LPP: variants seen among roughly 807,000 people sequenced by gnomAD.
The protein encoded by LPP is LIM domain containing preferred translocation partner in lipoma.
LPP carries 38 observed loss-of-function variants against 60.4 expected under a neutral mutation model. The observed-to-expected ratio is 0.63, with a 90% CI of 0.49 to 0.83. The LOEUF (loss-of-function observed/expected upper bound fraction) is 0.83, where lower values mean the gene tolerates loss of function less well. Ranked by LOEUF, LPP falls within the 40% of genes least tolerant of loss-of-function variation. The probability of loss-of-function intolerance (pLI) is 0.00; values close to 1 mark genes in which losing one functional copy is unlikely to be tolerated. For missense variants in LPP, 902 were observed against 783.6 expected (o/e 1.15, Z -1.80); for synonymous variants, 328 against 290.8 (o/e 1.13, Z -1.30).
At chr3:188,569,675 TTGTA>T (rs1212678133) in intron 6 of LPP, among the ~76,000 whole-genome samples, 8 of 151,910 alleles carry the variant, frequency 5.3e-5, no homozygotes, top group Non-Finnish European at 1.0e-4. Context: ...GCCCAGAAGG[TTGTA>T]TGTAACTCAT....
At chr3:188,481,320 G>A (rs781089968) in intron 4 of LPP, among the ~76,000 whole-genome samples, 2 of 152,164 alleles carry the variant, frequency 1.3e-5, no homozygotes, top group Non-Finnish European at 2.9e-5. Flanking sequence ...AGGACCCTTT[G>A]ATGGTTAAGC....
chr3:188,312,869 C>G (rs965062887), intron 2 of LPP: 2 of 152,070 alleles, frequency 1.3e-5, no homozygotes, highest in Non-Finnish European at 2.9e-5. Context: ...TCATTCTCAG[C>G]AAACTATCGC....
intron 9 of LPP, among the ~76,000 whole-genome samples, chr3:188,853,707 G>T (rs1047990604): frequency 2.0e-5 from 3 of 152,116 alleles, no homozygotes; most frequent in Admixed American, 6.5e-5. Context: ...ATCGTCTTTG[G>T]TAATCTCTTC....
chr3:188,550,577 C>CCA (rs770490415), intron 6 of LPP, among the ~76,000 whole-genome samples: 1 of 66,918 alleles, frequency 1.5e-5, no homozygotes, highest in Non-Finnish European at 2.6e-5. Context: ...GACTCCATCT[C>CCA]AAAAAAAAAA....
chr3:188,566,403 A>T lies in LPP; in HGVS notation c.429+41616A>T, dbSNP rs550040584. Among the ~76,000 whole-genome samples, 15 of 152,036 alleles carry T rather than the reference A, an allele frequency of 9.9e-5. No individual in the cohort carries two copies. In the South Asian group the frequency reaches 3.1e-3, roughly 31 times the overall value. ...GGAACTGTGTCATATTTTCTGTATC[A>T]TATTTCATGTTAGCTTTATTAGTTA... On this transcript the variant is annotated intron_variant, in intron 6 of 11. Transcript: ENST00000617246.
chr3:188,855,030 A>G (rs530528370), intron 9 of LPP, among the ~76,000 whole-genome samples: 64 of 152,320 alleles, frequency 4.2e-4, no homozygotes, highest in African/African-American at 1.5e-3. Flanking sequence ...TGAAAACATC[A>G]TCACTTAAGC....
At chr3:188,483,326 C>T (rs1805362098) in intron 4 of LPP, among the ~76,000 whole-genome samples, 3 of 152,092 alleles carry the variant, frequency 2.0e-5, no homozygotes, top group Admixed American at 2.0e-4. Flanking sequence ...CTCTTCCATT[C>T]TTATACTTCT....
At chr3:188,483,198 G>C (rs1054173750) in intron 4 of LPP, among the ~76,000 whole-genome samples, 1 of 152,130 alleles carries the variant, frequency 6.6e-6, no homozygotes, top group Non-Finnish European at 1.5e-5. Context: ...ACAGTTCTTG[G>C]CTTAGCTACA....
intron 7 of LPP, among the ~76,000 whole-genome samples, chr3:188,644,862 C>G (rs1251774867): frequency 6.6e-6 from 1 of 152,068 alleles, no homozygotes; most frequent in Non-Finnish European, 1.5e-5. Flanking sequence ...AGGGTGCAGA[C>G]AAGAGAGGGA....
At chr3:188,170,864 C>G (rs1258654528) in intron 1 of LPP, among the ~76,000 whole-genome samples, 1 of 152,020 alleles carries the variant, frequency 6.6e-6, no homozygotes, top group Non-Finnish European at 1.5e-5. Flanking sequence ...ATAATGCTAC[C>G]AATTTCCTCC....
chr3:188,527,145 T>A (rs1488091536), intron 6 of LPP, among the ~76,000 whole-genome samples: 2 of 151,860 alleles, frequency 1.3e-5, no homozygotes, highest in Non-Finnish European at 2.9e-5. Context: ...AGAATATAGG[T>A]CTGGGACCAG....
Position 188,878,865 on chromosome 3 carries a change from A to G in LPP, c.*4386A>G, listed in dbSNP as rs1230390856. 1 of 216,026 alleles carries G rather than the reference A, an allele frequency of 4.6e-6. No homozygotes were observed. The highest frequency in any genetic ancestry group is 9.3e-6 in the Non-Finnish European group (1 of 107,296). The allele number at this position is 216,026 out of a possible 1,614,324, so 13.4% of individuals were successfully genotyped here. ...TTTTTCCTTGTCTTGGAAGTATCTC[A>G]TAGGTCTTTAAATGAGTAAAACATT... On this transcript the variant is annotated 3_prime_UTR_variant, in exon 12 of 12. Transcript: ENST00000617246.
chr3:188,866,948 A>G (rs964508630), intron 10 of LPP, among the ~76,000 whole-genome samples: 2 of 152,184 alleles, frequency 1.3e-5, no homozygotes, highest in African/African-American at 4.8e-5. Context: ...CAACATATTG[A>G]TGCCATTCCC....
intron 8 of LPP, chr3:188,712,956 A>T (rs1467329334): frequency 1.3e-5 from 2 of 152,038 alleles, no homozygotes; most frequent in African/African-American, 4.8e-5. Context: ...GGAGCCCCTC[A>T]TCACTCTTAA....
At chr3:188,307,673 CAGTA>C (rs1751969339) in intron 2 of LPP, among the ~76,000 whole-genome samples, 1 of 152,178 alleles carries the variant, frequency 6.6e-6, no homozygotes, top group Non-Finnish European at 1.5e-5. Flanking sequence ...AATAGATGCT[CAGTA>C]AGTATTTACT....
chr3:188,495,064 TTA>T (rs1192152538), intron 5 of LPP, among the ~76,000 whole-genome samples: 1,055 of 53,874 alleles, frequency 0.02, 120 homozygotes, highest in South Asian at 0.053. Context: ...GTTCAGGATT[TTA>T]TATATATATA....
At chr3:188,331,672 CT>C (rs936012843) in intron 2 of LPP, among the ~76,000 whole-genome samples, 6 of 152,142 alleles carry the variant, frequency 3.9e-5, no homozygotes, top group African/African-American at 1.4e-4. Context: ...TTCCCCATTT[CT>C]ACATCACTTT....
chr3:188,847,633 C>G (rs761227642), intron 9 of LPP, among the ~76,000 whole-genome samples: 9 of 152,294 alleles, frequency 5.9e-5, no homozygotes, highest in African/African-American at 1.9e-4. Context: ...GTAAAAATAA[C>G]TTTTATTGTC....
Position 188,760,150 on chromosome 3 carries a change from A to G in LPP, c.1278A>G (p.Glu426=), listed in dbSNP as rs1731712896. The G allele has an allele frequency of 6.2e-7, 1 of 1,613,970 alleles. No individual in the cohort carries two copies. Among genetic ancestry groups the G allele is most frequent in the Non-Finnish European group, 8.5e-7 (1 of 1,180,012 alleles). The stretch of plus-strand genomic sequence containing the variant: ...GCTGTGGAGAAAACGTAGTTGGGGA[A>G]GGTACAGGATGCACTGCCATGGATC... The part of the protein sequence containing the change: ...CARCGENVVG[E]GTGCTAMDQV... The change falls in exon 9 of 12, where the codon GAA becomes GAG. Residue 426 remains glutamate, a synonymous_variant. Coordinates refer to ENST00000617246, the MANE Select transcript of LPP (RefSeq NM_001375462.1).
Sources: allele counts gnomAD v4.1 joint callset (sites outside exome capture counted in the v4.1 genomes callset), GRCh38; gene constraint gnomAD v4.1.1; transcripts MANE v1.5; gene names NCBI Gene and HGNC (gene_info 2026-07-23, HGNC 2026-07-21).